PI4KA: variants seen among roughly 807,000 people sequenced by gnomAD.
The protein encoded by PI4KA is phosphatidylinositol 4-kinase alpha.
In PI4KA, 122 loss-of-function variants were observed where a neutral mutation model predicts 271.4. That is an observed-to-expected ratio of 0.45 (90% CI 0.39 to 0.52). The LOEUF (loss-of-function observed/expected upper bound fraction) is 0.52, where lower values mean the gene tolerates loss of function less well. PI4KA is among the 20% of genes least tolerant of loss of function. PI4KA has a pLI of 0.00. For missense variants in PI4KA, 1,969 were observed against 2,769.1 expected (o/e 0.71, Z 6.48); for synonymous variants, 1,041 against 1,078.8 (o/e 0.96, Z 0.69).
At position 20,730,195 on chromosome 22, in the gene PI4KA, CTTTAT is replaced by C. The variant is rs372941558; in HGVS notation, c.4289-189_4289-185del. The stretch of plus-strand genomic sequence containing the variant: ...GGGTTTTCCAAAAGCATGAGAAGTT[CTTTAT>C]TTTAACTATTCTAGATGGAATGTTT... On this transcript the variant is annotated intron_variant, in intron 36 of 54. Coordinates refer to ENST00000255882, the MANE Select transcript of PI4KA (RefSeq NM_058004.4). 4.8e-4 allele frequency among the ~76,000 whole-genome samples: 73 copies of C among 152,246 alleles called. No individual in the cohort carries two copies. In the East Asian group the frequency reaches 0.011, roughly 23 times the overall value.
chr22:20,739,037 CAAAAA>C (rs1214493282), intron 32 of PI4KA, among the ~76,000 whole-genome samples: 1 of 45,618 alleles, frequency 2.2e-5, no homozygotes, highest in Non-Finnish European at 4.1e-5. Flanking sequence ...GACTCAGTCA[CAAAAA>C]AAAAAAAAAA....
chr22:20,730,895 G>A (rs1927957905), intron 36 of PI4KA, among the ~76,000 whole-genome samples: 1 of 151,770 alleles, frequency 6.6e-6, no homozygotes, highest in South Asian at 2.1e-4. Context: ...AAATAGAATA[G>A]GCTGAGCACA....
chr22:20,715,948 T>C (rs981518458), intron 45 of PI4KA, among the ~76,000 whole-genome samples: 15 of 152,188 alleles, frequency 9.9e-5, no homozygotes, highest in African/African-American at 3.6e-4. Context: ...TGGAGTGCAG[T>C]GGTGCAATCT....
chr22:20,763,375 G>A (rs1932200639), intron 22 of PI4KA, among the ~76,000 whole-genome samples: 1 of 151,890 alleles, frequency 6.6e-6, no homozygotes, highest in African/African-American at 2.4e-5. Context: ...CTCCCAAAGT[G>A]TTGGGATGAC....
chr22:20,846,263 CAAAA>C (rs361641), intron 1 of PI4KA, among the ~76,000 whole-genome samples: 22 of 82,092 alleles, frequency 2.7e-4, no homozygotes, highest in African/African-American at 9.4e-4. Flanking sequence ...GACTCTATCT[CAAAA>C]AAAAAAAAAA....
At chr22:20,725,558 C>A (rs540566966) in intron 42 of PI4KA, 1 of 451,676 alleles carries the variant, frequency 2.2e-6, no homozygotes, top group South Asian at 1.6e-5. Context: ...CAGACACACA[C>A]AAAAGGATGA....
chr22:20,797,169 T>C (rs1157292613), intron 17 of PI4KA, among the ~76,000 whole-genome samples: 1 of 152,134 alleles, frequency 6.6e-6, no homozygotes, highest in Admixed American at 6.6e-5. Context: ...AAGTAATACC[T>C]GGTAGGTCAA....
intron 1 of PI4KA, among the ~76,000 whole-genome samples, chr22:20,842,284 G>A (rs763571460): frequency 6.6e-6 from 1 of 152,024 alleles, no homozygotes; most frequent in Non-Finnish European, 1.5e-5. Context: ...CTCCCCTAGA[G>A]TCTCTAAAAA....
intron 13 of PI4KA, among the ~76,000 whole-genome samples, chr22:20,802,415 C>T (rs933237324): frequency 1.3e-5 from 2 of 152,214 alleles, no homozygotes; most frequent in African/African-American, 4.8e-5. Context: ...TGAGGCATGG[C>T]CCTGTGCTTG....
Position 20,811,027 on chromosome 22 carries a change from C to A in PI4KA, c.1011G>T (p.Lys337Asn), listed in dbSNP as rs772551012. The change falls in exon 9 of 55, where the codon AAG becomes AAT. Residue 337 changes from lysine (K) to asparagine (N), a missense_variant. Around this residue, in one of 13 missense-constraint regions of PI4KA, gnomAD observed 540 missense variants for 555.5 expected, o/e 0.97. Transcript: ENST00000255882. ...TGAGAACAGCCTCCTCAACGATCTT[C>A]TTCACCTACCAAGGAAACAGAACCT... ...EMLRELLNLV[K>N]KIVEEAVLKS... The A allele has an allele frequency of 1.9e-6, 3 of 1,612,542 alleles. No homozygotes were observed. The highest frequency in any genetic ancestry group is 2.5e-6 in the Non-Finnish European group (3 of 1,178,506).
intron 1 of PI4KA, among the ~76,000 whole-genome samples, chr22:20,842,138 G>T (rs1207464980): frequency 1.3e-5 from 2 of 152,154 alleles, no homozygotes; most frequent in African/African-American, 4.8e-5. Flanking sequence ...TGAGGCAGGA[G>T]AATTGCTTGA....
At chr22:20,775,231 T>C (rs13055484) in intron 19 of PI4KA, among the ~76,000 whole-genome samples, 251 of 152,296 alleles carry the variant, frequency 1.6e-3, no homozygotes, top group Non-Finnish European at 3.1e-3. Flanking sequence ...GAATGATTTA[T>C]CTTTAAAATA....
At position 20,824,773 on chromosome 22, in the gene PI4KA, C is replaced by T. The variant is rs534970250; in HGVS notation, c.368-359G>A. ...ACACACACACACACACACACACACACACACACAAAACACTCGGCTGGGCGA... is the reference window on the plus strand; with the variant it reads ...ACACACACACACACACACACACACATACACACAAAACACTCGGCTGGGCGA... On this transcript the variant is annotated intron_variant, in intron 3 of 54. Coordinates refer to ENST00000255882, the MANE Select transcript of PI4KA (RefSeq NM_058004.4). Among the ~76,000 whole-genome samples the T allele has an allele frequency of 1.7e-3, 250 of 144,852 alleles. 2 individuals carry two copies. The highest frequency in any genetic ancestry group is 6.4e-3 in the African/African-American group (241 of 37,928).
At chr22:20,777,247 G>A (rs1309789871) in intron 19 of PI4KA, among the ~76,000 whole-genome samples, 2 of 147,696 alleles carry the variant, frequency 1.4e-5, no homozygotes, top group Non-Finnish European at 3.0e-5. Flanking sequence ...ACGGAGTTTC[G>A]CTCTTTTTGC....
rs766707194 is a variant in PI4KA at position 20,742,597 on chromosome 22, CAGTG to C, written c.3613+7_3613+10del. ...ACGAGCCCAGAATTCCACAGTGCTT[CAGTG>C]AGTTACCTTTACTGCTAATGAGCAT... On this transcript the variant is annotated splice_region_variant and intron_variant, in intron 31 of 54. Coordinates refer to ENST00000255882, the MANE Select transcript of PI4KA (RefSeq NM_058004.4). 3.0e-5 allele frequency: 48 copies of C among 1,614,016 alleles called. No individual in the cohort carries two copies. In the Admixed American group the frequency reaches 8.0e-4, roughly 27 times the overall value.
intron 8 of PI4KA, 76 bp from the exon 9 acceptor site, chr22:20,811,108 C>A (rs747396654): frequency 4.7e-6 from 5 of 1,053,284 alleles, no homozygotes; most frequent in Non-Finnish European, 7.5e-6. Flanking sequence ...TACCGAAAAC[C>A]CATGACAAAC....
At chr22:20,796,381 C>G in intron 17 of PI4KA, 67 bp from the exon 18 acceptor site, 1 of 1,504,768 alleles carries the variant, frequency 6.6e-7, no homozygotes, top group Non-Finnish European at 9.1e-7. Context: ...GACGGCACTG[C>G]AGGGGTGAGG....
At chr22:20,722,285 C>G (rs186670221) in intron 42 of PI4KA, among the ~76,000 whole-genome samples, 1 of 152,340 alleles carries the variant, frequency 6.6e-6, no homozygotes, top group East Asian at 1.9e-4. Flanking sequence ...CTCCCAGGTT[C>G]AAGCAATTCT....
intron 19 of PI4KA, among the ~76,000 whole-genome samples, chr22:20,777,470 G>A (rs1447991216): frequency 3.3e-5 from 5 of 152,056 alleles, no homozygotes; most frequent in South Asian, 2.1e-4. Flanking sequence ...CGCCCACCTC[G>A]GCCTCCCAAA....
Sources: allele counts gnomAD v4.1 joint callset (sites outside exome capture counted in the v4.1 genomes callset), GRCh38; gene constraint gnomAD v4.1.1; regional missense constraint gnomAD v4.1.1; transcripts MANE v1.5; gene names NCBI Gene and HGNC (gene_info 2026-07-23, HGNC 2026-07-21).